CTIF: variants seen among roughly 807,000 people sequenced by gnomAD.
CTIF encodes CBP80/20-dependent translation initiation factor.
A neutral mutation model predicts 66.0 loss-of-function variants in CTIF; 21 were observed. That is an observed-to-expected ratio of 0.32 (90% CI 0.23 to 0.46). CTIF has a LOEUF of 0.46. Among genes scored for constraint, CTIF ranks in the 20% least tolerant of loss-of-function variants. The probability of loss-of-function intolerance (pLI) is 1.00; values close to 1 mark genes in which losing one functional copy is unlikely to be tolerated. For missense variants in CTIF, 739 were observed against 812.7 expected, an observed-to-expected ratio of 0.91 and a Z score of 1.10; for synonymous variants, 345 against 326.4, an observed-to-expected ratio of 1.06 and a Z score of -0.62.
intron 9 of CTIF, among the ~76,000 whole-genome samples, chr18:48,768,936 T>C (rs1480145731): frequency 1.3e-5 from 2 of 152,186 alleles, no homozygotes; most frequent in African/African-American, 2.4e-5. Context: ...AAGTCATCAA[T>C]TGGGATTTCA....
intron 1 of CTIF, among the ~76,000 whole-genome samples, chr18:48,592,508 A>AAAAAAG (rs1310261006): frequency 6.6e-6 from 1 of 150,928 alleles, no homozygotes; most frequent in Admixed American, 6.6e-5. Context: ...AAAAAAAAAA[A>AAAAAAG]AAAAAGAAAA....
Position 48,663,771 on chromosome 18 carries a change from C to G in CTIF, c.272C>G (p.Ser91Cys). The G allele has an allele frequency of 1.2e-6, 2 of 1,614,144 alleles. No homozygotes were observed. Among genetic ancestry groups the G allele is most frequent in the Middle Eastern group, 1.7e-4 (1 of 6,060 alleles). The change falls in exon 4 of 12, where the codon TCT becomes TGT. Residue 91 changes from serine to cysteine, a missense_variant. Transcript: ENST00000256413. Reference sequence around the variant, plus strand: ...TTCCAGAATGGCAGCAAAGACAACTCTCTGGACATGCTGGGCACGGACATC... The same window carrying G: ...TTCCAGAATGGCAGCAAAGACAACTGTCTGGACATGCTGGGCACGGACATC... ...PPQQNGSKDN[S>C]LDMLGTDIWA... is the part of the protein sequence containing the mutation.
chr18:48,732,938 A>G (rs747682068), intron 7 of CTIF, among the ~76,000 whole-genome samples: 1 of 152,260 alleles, frequency 6.6e-6, no homozygotes, highest in Non-Finnish European at 1.5e-5. Context: ...TATTTGATCT[A>G]CATCACCATA....
At chr18:48,572,905 A>G (rs1159191248) in intron 1 of CTIF, among the ~76,000 whole-genome samples, 3 of 152,068 alleles carry the variant, frequency 2.0e-5, no homozygotes, top group Non-Finnish European at 4.4e-5. Context: ...AGGTGGGAGG[A>G]TTAATTGAGC....
intron 8 of CTIF, 116 bp downstream of exon 8, chr18:48,758,521 T>A: frequency 2.3e-6 from 3 of 1,319,194 alleles, no homozygotes; most frequent in Non-Finnish European, 3.1e-6. Context: ...TAGGGAGCCA[T>A]GTACAGGGAA....
In CTIF at chr18:48,859,732, A is replaced by G; in HGVS notation, c.*173A>G. ...ACGGGGAAGGGAGCAAATCCCTGAG[A>G]GGAGTGCCCCCGCACAAGCCCCCCA... On this transcript the variant is annotated 3_prime_UTR_variant, in exon 12 of 12. Coordinates refer to ENST00000256413, the MANE Select transcript of CTIF (RefSeq NM_014772.3). 1 of 704,886 alleles carries G rather than the reference A, an allele frequency of 1.4e-6. No individual in the cohort carries two copies. The highest frequency in any genetic ancestry group is 2.6e-6 in the Non-Finnish European group (1 of 389,410). 43.7% of individuals were successfully genotyped at this position (704,886 alleles called of 1,614,324 possible).
Position 48,827,476 on chromosome 18 carries a change from C to T in CTIF, c.1527+10100C>T, listed in dbSNP as rs1278149156. ...AGGAGAGCCACCTCAAAGGGCATCCCGGCAGAGAGCAACTCCCCAGCTCCT... is the reference window on the plus strand; with the variant it reads ...AGGAGAGCCACCTCAAAGGGCATCCTGGCAGAGAGCAACTCCCCAGCTCCT... On this transcript the variant is annotated intron_variant, in intron 10 of 11. Coordinates refer to ENST00000256413, the MANE Select transcript of CTIF (RefSeq NM_014772.3). 3.3e-5 allele frequency among the ~76,000 whole-genome samples: 5 copies of T among 152,244 alleles called. No homozygotes were observed. The East Asian group carries it at 9.7e-4, about 29-fold the overall frequency.
At chr18:48,539,863 G>A (rs1298090202) in intron 1 of CTIF, 1 of 152,574 alleles carries the variant, frequency 6.6e-6, no homozygotes, top group Non-Finnish European at 1.5e-5. Context: ...GGCGTTTGGG[G>A]GCCGGGGGCT....
At chr18:48,630,837 G>A (rs1598767868) in intron 2 of CTIF, among the ~76,000 whole-genome samples, 2 of 151,904 alleles carry the variant, frequency 1.3e-5, no homozygotes, top group South Asian at 2.1e-4. Context: ...AACCACGCCT[G>A]GCTAATTTTT....
At chr18:48,678,051 G>C (rs1385698265) in intron 6 of CTIF, among the ~76,000 whole-genome samples, 2 of 152,204 alleles carry the variant, frequency 1.3e-5, no homozygotes, top group African/African-American at 4.8e-5. Flanking sequence ...CAGGCAGCCT[G>C]ACTCCTCTGG....
intron 4 of CTIF, 147 bp from the exon 5 acceptor site, chr18:48,664,300 C>T: frequency 1.5e-6 from 1 of 688,248 alleles, no homozygotes; most frequent in South Asian, 1.7e-5. Flanking sequence ...GCACCTGGGG[C>T]TCCATTCTGA....
In CTIF at chr18:48,715,938, T is replaced by C. The variant is rs533172526; in HGVS notation, c.584+4243T>C. On this transcript the variant is annotated intron_variant, in intron 7 of 11. Coordinates refer to ENST00000256413, the MANE Select transcript of CTIF (RefSeq NM_014772.3). ...CAAGATGGGGTAAAGGGGCAGGCCT[T>C]GATACCTCCATGTCTGTTGGTCATC... Among the ~76,000 whole-genome samples, 111 of 152,320 alleles carry C rather than the reference T, an allele frequency of 7.3e-4. 1 individual carries two copies. Among genetic ancestry groups the C allele is most frequent in the African/African-American group, 2.6e-3 (108 of 41,560 alleles).
intron 10 of CTIF, among the ~76,000 whole-genome samples, chr18:48,850,872 G>A (rs772080628): frequency 6.6e-6 from 1 of 152,242 alleles, no homozygotes; most frequent in African/African-American, 2.4e-5. Flanking sequence ...CCAAGCAGGT[G>A]TGTGTGGGGA....
intron 6 of CTIF, among the ~76,000 whole-genome samples, chr18:48,686,191 T>G (rs1330477849): frequency 6.6e-6 from 1 of 152,238 alleles, no homozygotes; most frequent in Non-Finnish European, 1.5e-5. Context: ...TAAAGATCTT[T>G]CCTTCTCTAT....
intron 9 of CTIF, among the ~76,000 whole-genome samples, chr18:48,787,896 G>A (rs1195325030): frequency 6.6e-6 from 1 of 152,228 alleles, no homozygotes; most frequent in African/African-American, 2.4e-5. Context: ...TCTGCTGGCT[G>A]TGTCCACAGT....
intron 1 of CTIF, among the ~76,000 whole-genome samples, chr18:48,603,138 G>GAGGA (rs1555652662): frequency 7.5e-6 from 1 of 132,962 alleles, no homozygotes; most frequent in Non-Finnish European, 1.6e-5. Flanking sequence ...TGGCTAGATA[G>GAGGA]TGGATGGATG....
intron 10 of CTIF, among the ~76,000 whole-genome samples, chr18:48,840,794 G>A (rs1353177673): frequency 6.6e-6 from 1 of 151,998 alleles, no homozygotes; most frequent in Non-Finnish European, 1.5e-5. Flanking sequence ...CAAACCCACT[G>A]CAGAACCAGC....
intron 1 of CTIF, among the ~76,000 whole-genome samples, chr18:48,541,292 G>C (rs1452832208): frequency 3.3e-5 from 5 of 152,066 alleles, no homozygotes. Flanking sequence ...CCAGTCCAGG[G>C]GCCCGCGCGA....
chr18:48,823,280 A>C (rs1362553565), intron 10 of CTIF, among the ~76,000 whole-genome samples: 4 of 150,052 alleles, frequency 2.7e-5, no homozygotes, highest in African/African-American at 9.8e-5. Context: ...GTTTTCTTCT[A>C]GTAGTTTTAC....
Sources: gnomAD v4.1 joint callset for allele counts (sites outside exome capture counted in the v4.1 genomes callset) on GRCh38, gnomAD v4.1.1 for gene constraint, MANE v1.5 for transcripts, NCBI Gene and HGNC (gene_info 2026-07-23, HGNC 2026-07-21) for gene names.